Variants in CELF4 observed in about 807,000 individuals in gnomAD.
The protein encoded by CELF4 is CUGBP Elav-like family member 4, also known as CUG-BP- and ETR-3-like factor 4.
CELF4 carries 18 observed loss-of-function variants against 59.9 expected under a neutral mutation model. The observed-to-expected ratio is 0.30, with a 90% CI of 0.21 to 0.45. The LOEUF (loss-of-function observed/expected upper bound fraction) is 0.45, where lower values mean the gene tolerates loss of function less well. Among genes scored for constraint, CELF4 ranks in the 20% least tolerant of loss-of-function variants. CELF4 has a pLI of 1.00. For synonymous variants in CELF4, 261 were observed against 267.1 expected (o/e 0.98, Z 0.22); for missense variants, 456 against 689.0 (o/e 0.66, Z 3.79).
chr18:37,421,757 C>G (rs1389633755), intron 2 of CELF4, among the ~76,000 whole-genome samples: 1 of 152,170 alleles, frequency 6.6e-6, no homozygotes, highest in Non-Finnish European at 1.5e-5. Context: ...GCTTGTGGAG[C>G]AAAAGAATGG....
At chr18:37,444,283 T>G (rs1189653024) in intron 2 of CELF4, among the ~76,000 whole-genome samples, 1 of 151,882 alleles carries the variant, frequency 6.6e-6, no homozygotes, top group Non-Finnish European at 1.5e-5. Context: ...GGATCCCCCC[T>G]AGCATCCCCG....
In CELF4 at chr18:37,254,494, A is replaced by T. The variant is rs1001479300; in HGVS notation, c.1334-556T>A. ...ACCGCAGGTGCCCGGCTGTCGGAGG[A>T]GGCCCAGAGGCTGAGCCCTCGCGGG... On this transcript the variant is annotated intron_variant, in intron 11 of 12. Transcript: ENST00000420428. The surrounding 1 kb of genome is among the most constrained non-coding windows in gnomAD (Gnocchi z 5.1). Among the ~76,000 whole-genome samples the T allele has an allele frequency of 4.0e-5, 6 of 150,838 alleles. No homozygotes were observed. The highest frequency in any genetic ancestry group is 1.2e-4 in the African/African-American group (5 of 40,856).
At chr18:37,523,062 G>C (rs1365469109) in intron 1 of CELF4, among the ~76,000 whole-genome samples, 1 of 152,200 alleles carries the variant, frequency 6.6e-6, no homozygotes, top group Non-Finnish European at 1.5e-5. Flanking sequence ...ATTCACAAGG[G>C]GGGCGGGTAG....
chr18:37,493,363 A>G (rs373935170), intron 1 of CELF4, among the ~76,000 whole-genome samples: 10 of 152,192 alleles, frequency 6.6e-5, no homozygotes, highest in Middle Eastern at 3.2e-3. Flanking sequence ...AGAATCATAC[A>G]CGTCTTTGCC....
At chr18:37,527,473 C>T (rs111309442) in intron 1 of CELF4, among the ~76,000 whole-genome samples, 1,876 of 152,240 alleles carry the variant, frequency 0.012, 40 homozygotes, top group African/African-American at 0.042. Flanking sequence ...GTGTAGTAAA[C>T]TCCCCACCCC....
Position 37,522,902 on chromosome 18 carries a change from C to T in CELF4, c.287-37295G>A, listed in dbSNP as rs540086926. ...CATCCACCCTCTCCCATGAAACCAT[C>T]CCTCATTAGTCCCCTGACTCGGAGT... On this transcript the variant is annotated intron_variant, in intron 1 of 12. Transcript: ENST00000420428. Among the ~76,000 whole-genome samples the T allele has an allele frequency of 3.3e-5, 5 of 152,278 alleles. No homozygotes were observed. In the East Asian group the frequency reaches 9.7e-4, roughly 29 times the overall value.
intron 3 of CELF4, among the ~76,000 whole-genome samples, chr18:37,306,722 G>T: frequency 6.6e-6 from 1 of 152,138 alleles, no homozygotes; most frequent in African/African-American, 2.4e-5. Flanking sequence ...TGAGCGGTGA[G>T]CGGATAAAAG....
chr18:37,310,891 C>A (rs1024226975), intron 3 of CELF4, among the ~76,000 whole-genome samples: 1 of 152,160 alleles, frequency 6.6e-6, no homozygotes, highest in Non-Finnish European at 1.5e-5. Flanking sequence ...CTCTCTCCTC[C>A]ACGCTCACAT....
At chr18:37,287,587 C>T (rs1258440986) in intron 3 of CELF4, among the ~76,000 whole-genome samples, 1 of 152,226 alleles carries the variant, frequency 6.6e-6, no homozygotes, top group African/African-American at 2.4e-5. Context: ...CCAGCCAGCC[C>T]TGCTCTGAGT....
At chr18:37,367,840 C>T (rs895102907) in intron 2 of CELF4, among the ~76,000 whole-genome samples, 5 of 152,176 alleles carry the variant, frequency 3.3e-5, no homozygotes, top group African/African-American at 1.2e-4. Flanking sequence ...ATCCATCTCT[C>T]CTAACGCTGC....
chr18:37,275,277 AGGGACCGGGCTGCGCGGGAGCAGGGCAAG>A (rs1470382089), intron 3 of CELF4, 34 bp from the exon 4 acceptor site: 1 of 1,587,958 alleles, frequency 6.3e-7, no homozygotes, highest in Non-Finnish European at 8.6e-7. Flanking sequence ...TACCCGGGCC[AGGGACCGGGCTGCGCGGGAGCAGGGCAAG>A]GCCGGAGGGG....
chr18:37,271,496 T>A (rs1031716526), intron 7 of CELF4, among the ~76,000 whole-genome samples: 2 of 152,116 alleles, frequency 1.3e-5, no homozygotes, highest in Non-Finnish European at 2.9e-5. Context: ...CCTCAAGTGA[T>A]CCACCCGCCT....
intron 2 of CELF4, among the ~76,000 whole-genome samples, chr18:37,333,004 C>T (rs1364501623): frequency 3.3e-5 from 5 of 152,220 alleles, no homozygotes; most frequent in Non-Finnish European, 4.4e-5. Flanking sequence ...GCTAATTAGC[C>T]GGCATGGTCG....
intron 2 of CELF4, among the ~76,000 whole-genome samples, chr18:37,367,695 CTT>C (rs35947067): frequency 1.4e-5 from 2 of 144,708 alleles, no homozygotes; most frequent in Admixed American, 6.9e-5. Context: ...TCTTTTCTTT[CTT>C]TTTTTTTTTT....
chr18:37,388,587 A>G (rs1010367829), intron 2 of CELF4, among the ~76,000 whole-genome samples: 3 of 151,882 alleles, frequency 2.0e-5, no homozygotes, highest in Admixed American at 1.3e-4. Context: ...TCGGTTACTA[A>G]TGAGCTCAAG....
At chr18:37,516,232 C>A (rs1359705590) in intron 1 of CELF4, among the ~76,000 whole-genome samples, 1 of 152,188 alleles carries the variant, frequency 6.6e-6, no homozygotes, top group African/African-American at 2.4e-5. Context: ...CTGCTCCCTT[C>A]TTGGCCCTGG....
At position 37,312,304 on chromosome 18, in the gene CELF4, C is replaced by T. The variant is rs368504538; in HGVS notation, c.448+9499G>A. 1.1e-4 allele frequency among the ~76,000 whole-genome samples: 16 copies of T among 152,062 alleles called. No homozygotes were observed. The East Asian group carries it at 2.5e-3, about 24-fold the overall frequency. Reference sequence around the variant, plus strand: ...ACCATCAAGGAAGTCATACCCTGGGCGAGCAGCTGGGCCTGGCCAGTTGCT... The same window carrying T: ...ACCATCAAGGAAGTCATACCCTGGGTGAGCAGCTGGGCCTGGCCAGTTGCT... On this transcript the variant is annotated intron_variant, in intron 3 of 12. Transcript: ENST00000420428.
intron 3 of CELF4, among the ~76,000 whole-genome samples, chr18:37,291,544 T>C (rs984432057): frequency 6.6e-5 from 10 of 152,164 alleles, no homozygotes; most frequent in African/African-American, 1.9e-4. Flanking sequence ...AGCCCTGTGA[T>C]TGGGGCAGGG....
At position 37,415,467 on chromosome 18, in the gene CELF4, C is replaced by T. The variant is rs190051925; in HGVS notation, c.369+70058G>A. Among the ~76,000 whole-genome samples, 190 of 152,272 alleles carry T rather than the reference C, an allele frequency of 1.2e-3. 1 individual carries two copies. The highest frequency in any genetic ancestry group is 4.2e-3 in the African/African-American group (175 of 41,552). ...ATGGTTGAGTACTGGCTCAAAGTCA[C>T]GCAGCAACTTTGTGGTAAAGTGGGG... On this transcript the variant is annotated intron_variant, in intron 2 of 12. Transcript: ENST00000420428.
Sources: allele counts gnomAD v4.1 joint callset (sites outside exome capture counted in the v4.1 genomes callset), GRCh38; gene constraint gnomAD v4.1.1; non-coding constraint Gnocchi (gnomAD v3.1); transcripts MANE v1.5; gene names NCBI Gene and HGNC (gene_info 2026-07-23, HGNC 2026-07-21).